UBXN11: variants seen among roughly 807,000 people sequenced by gnomAD.
The protein encoded by UBXN11 is UBX domain protein 11, also known as UBX domain-containing protein 11.
UBXN11 carries 47 observed loss-of-function variants against 62.8 expected under a neutral mutation model. The observed-to-expected ratio is 0.75, with a 90% CI of 0.59 to 0.95. UBXN11 has a LOEUF of 0.95. Ranked by LOEUF, UBXN11 falls within the 40% of genes least tolerant of loss-of-function variation. The pLI is 0.00. For synonymous variants in UBXN11, 294 were observed against 267.0 expected, an observed-to-expected ratio of 1.10 and a Z score of -0.99; for missense variants, 638 against 661.7, an observed-to-expected ratio of 0.96 and a Z score of 0.39.
intron 6 of UBXN11, 59 bp from the exon 7 acceptor site, chr1:26,297,054 T>A: frequency 6.5e-7 from 1 of 1,542,116 alleles, no homozygotes; most frequent in Non-Finnish European, 8.8e-7. Context: ...CCAGGTCACC[T>A]CTGCCCTGAG....
Position 26,298,056 on chromosome 1 carries a change from G to A in UBXN11, c.206C>T (p.Ala69Val). 6.2e-7 allele frequency: 1 copy of A among 1,613,008 alleles called. No homozygotes were observed. Among genetic ancestry groups the A allele is most frequent in the South Asian group, 1.1e-5 (1 of 90,976 alleles). ...IGAPVSRQVP[A>V]SHDSELMAFM... ...GGCCATCAGCTCCGAGTCATGGGAT[G>A]CAGGGACTGCCAAGCACACAAAGTC... Residue 69 changes from alanine to valine, a missense_variant, in exon 5 of 15, where the codon GCA becomes GTA. By Grantham distance (64) the Ala-to-Val change is moderately conservative. Coordinates refer to ENST00000374222, the MANE Select transcript of UBXN11 (RefSeq NM_001389556.1).
chr1:26,302,946 G>GAGTCTGTCCCCA, intron 1 of UBXN11, 28 bp from the exon 2 acceptor site: 1 of 1,534,864 alleles, frequency 6.5e-7, no homozygotes, highest in Non-Finnish European at 9.0e-7. Flanking sequence ...GTCAGCCCCT[G>GAGTCTGTCCCCA]GGGACAGACT....
At chr1:26,283,416 G>A (rs934453089) in intron 12 of UBXN11, among the ~76,000 whole-genome samples, 4 of 152,198 alleles carry the variant, frequency 2.6e-5, no homozygotes, top group African/African-American at 9.6e-5. Context: ...GGGCTCAATT[G>A]GACTGGAAGG....
chr1:26,311,953 T>C (rs1272513875), intron 1 of UBXN11, among the ~76,000 whole-genome samples: 1 of 152,150 alleles, frequency 6.6e-6, no homozygotes, highest in Non-Finnish European at 1.5e-5. Context: ...TCCACCCACA[T>C]CACCACCACC....
intron 5 of UBXN11, 82 bp from the exon 6 acceptor site, chr1:26,297,563 A>G (rs2073424034): frequency 1.4e-6 from 2 of 1,435,004 alleles, no homozygotes; most frequent in African/African-American, 1.4e-5. Context: ...AGCTTTGCCT[A>G]TGTTGGATGC....
At chr1:26,310,538 CA>C (rs112135867), upstream of UBXN11, among the ~76,000 whole-genome samples, 4 of 138,000 alleles carry the variant, frequency 2.9e-5, no homozygotes, top group Non-Finnish European at 4.6e-5. Flanking sequence ...GACTCCATCT[CA>C]AAAAAAAAAA....
Position 26,282,464 on chromosome 1 carries a change from T to C in UBXN11, c.1398A>G (p.Ala466=), listed in dbSNP as rs759454022. 5.0e-6 allele frequency: 8 copies of C among 1,607,762 alleles called. No individual in the cohort carries two copies. The highest frequency in any genetic ancestry group is 1.1e-5 in the South Asian group (1 of 90,784). The part of the protein sequence containing the change: ...LQAAGLVPKA[A]LLLRARRAPK... ...GGGCTCGGCGTGCCCGCAGCAGCAGTGCTGCTTTGGGCACAAGGCCTGCAG... is the reference window on the plus strand; with the variant it reads ...GGGCTCGGCGTGCCCGCAGCAGCAGCGCTGCTTTGGGCACAAGGCCTGCAG... Residue 466 remains alanine (A), a synonymous_variant, in exon 15 of 15, where the codon GCA becomes GCG. Transcript: ENST00000374222.
chr1:26,297,981 G>T lies in UBXN11; in HGVS notation c.281C>A (p.Thr94Asn), dbSNP rs1175009558. 6.2e-7 allele frequency: 1 copy of T among 1,613,936 alleles called. No individual in the cohort carries two copies. Among genetic ancestry groups the T allele is most frequent in the South Asian group, 1.1e-5 (1 of 91,018 alleles). Residue 94 changes from threonine to asparagine, a missense_variant, in exon 5 of 15, where the codon ACT (threonine) becomes AAT (asparagine). Transcript: ENST00000374222. ...CCCCACCTTGGACAGTATCTCATCA[G>T]TCTGGGCCTTCACCTGCTGCTCCAG... ...WDLEQQVKAQ[T>N]DEILSKDQKI... is the part of the protein sequence containing the mutation.
chr1:26,305,790 T>C (rs1339093809), intron 1 of UBXN11, among the ~76,000 whole-genome samples: 1 of 152,188 alleles, frequency 6.6e-6, no homozygotes. Context: ...TTTTCTCTCC[T>C]TCCTTCCCTC....
At chr1:26,304,101 G>A (rs996194742) in intron 1 of UBXN11, among the ~76,000 whole-genome samples, 14 of 152,190 alleles carry the variant, frequency 9.2e-5, no homozygotes, top group Admixed American at 1.3e-4. Context: ...CCACTTTGAA[G>A]ATGTCTGGTT....
intron 12 of UBXN11, 52 bp downstream of exon 12, chr1:26,284,090 G>A: frequency 6.6e-7 from 1 of 1,523,382 alleles, no homozygotes; most frequent in South Asian, 1.3e-5. Context: ...CTGGACCAGG[G>A]CTGGTGCTAA....
At chr1:26,287,275 G>A (rs1419089788) in intron 8 of UBXN11, among the ~76,000 whole-genome samples, 1 of 128,032 alleles carries the variant, frequency 7.8e-6, no homozygotes, top group Non-Finnish European at 1.7e-5. Flanking sequence ...AGACCCCTTT[G>A]AGAAGCTGAC....
At chr1:26,297,936 T>C (rs1289234958) in intron 5 of UBXN11, 26 bp downstream of exon 5, 1 of 1,610,136 alleles carries the variant, frequency 6.2e-7, no homozygotes, top group South Asian at 1.1e-5. Context: ...GACCGGCCCC[T>C]GGCCCTCTCC....
At chr1:26,306,894 T>C (rs2073684587), upstream of UBXN11, 1 of 139,792 alleles carries the variant, frequency 7.2e-6, no homozygotes, top group Non-Finnish European at 1.5e-5. Context: ...ATTAGGTTAA[T>C]GAAACTGCTG....
upstream of UBXN11, among the ~76,000 whole-genome samples, chr1:26,309,571 G>A (rs2073719613): frequency 6.6e-6 from 1 of 152,096 alleles, no homozygotes; most frequent in East Asian, 1.9e-4. Context: ...AACATTTATT[G>A]GGAAAGTCAG....
intron 4 of UBXN11, among the ~76,000 whole-genome samples, chr1:26,299,971 G>T (rs955523563): frequency 1.3e-5 from 2 of 151,980 alleles, no homozygotes; most frequent in African/African-American, 4.8e-5. Context: ...CTCCAGCCTG[G>T]ATGACAGAGC....
chr1:26,296,346 C>T (rs2073391771), intron 7 of UBXN11, among the ~76,000 whole-genome samples: 1 of 152,176 alleles, frequency 6.6e-6, no homozygotes, highest in Non-Finnish European at 1.5e-5. Flanking sequence ...CTCCCTCCGT[C>T]GTGGAGTTCA....
At position 26,314,167 on chromosome 1, in the gene UBXN11, T is replaced by C. The variant is rs560670399; in HGVS notation, c.-149+3880A>G. Reference sequence around the variant, plus strand: ...AATGTCTTTAAGTAAGCATAGTTATTTGAAAATTTGATTGATTATTCCATT... The same window carrying C: ...AATGTCTTTAAGTAAGCATAGTTATCTGAAAATTTGATTGATTATTCCATT... On this transcript the variant is annotated intron_variant, in intron 1 of 14. Coordinates refer to the UBXN11 transcript ENST00000374217. Among the ~76,000 whole-genome samples the C allele has an allele frequency of 5.9e-5, 9 of 152,352 alleles. No homozygotes were observed. In the East Asian group the frequency reaches 1.7e-3, roughly 29 times the overall value.
rs2073006290 is a variant in UBXN11 at position 26,282,344 on chromosome 1, ACCGG to A, written c.1514_1517del (p.Pro505LeufsTer?). On this transcript the variant is annotated frameshift_variant, in exon 15 of 15. Coordinates refer to ENST00000374222, the MANE Select transcript of UBXN11 (RefSeq NM_001389556.1). LOFTEE classifies it low-confidence loss of function (END_TRUNC). ...GTCCAGGACAGGGACTGGGGCCGGG[ACCGG>A]GACCGGGACTGGGGCCGGGACCGGG... The A allele has an allele frequency of 6.3e-6, 8 of 1,270,522 alleles. No homozygotes were observed. The highest frequency in any genetic ancestry group is 8.0e-6 in the Non-Finnish European group (8 of 1,001,770). The allele number at this position is 1,270,522 out of a possible 1,614,324, so 78.7% of individuals were successfully genotyped here.
Sources: gnomAD v4.1 joint callset for allele counts (sites outside exome capture counted in the v4.1 genomes callset) on GRCh38, gnomAD v4.1.1 for gene constraint, MANE v1.5 for transcripts, NCBI Gene and HGNC (gene_info 2026-07-23, HGNC 2026-07-21) for gene names.